The following BTLA variants were observed in gnomAD, a reference collection of about 807,000 sequenced individuals.
BTLA encodes B and T lymphocyte associated.
Under a neutral mutation model 25.0 loss-of-function variants are expected in BTLA, and 11 were observed. The observed-to-expected ratio is 0.44, with a 90% CI of 0.28 to 0.73. The LOEUF is 0.73. BTLA is among the 30% of genes least tolerant of loss of function. BTLA has a pLI of 0.15. For synonymous variants in BTLA, 104 were observed against 119.8 expected (o/e 0.87, Z 0.86); for missense variants, 282 against 332.8 (o/e 0.85, Z 1.19).
intron 4 of BTLA, among the ~76,000 whole-genome samples, chr3:112,467,503 C>A (rs901454884): frequency 7.9e-5 from 12 of 152,212 alleles, no homozygotes; most frequent in African/African-American, 2.7e-4. Context: ...GGCCTAACTC[C>A]TTTAAGGTAT....
intron 1 of BTLA, among the ~76,000 whole-genome samples, chr3:112,498,224 G>A (rs562711955): frequency 6.6e-6 from 1 of 152,006 alleles, no homozygotes; most frequent in East Asian, 1.9e-4. Flanking sequence ...TGGATAATTG[G>A]GGTTATCCAA....
intron 1 of BTLA, among the ~76,000 whole-genome samples, chr3:112,491,008 T>C (rs1021425677): frequency 2.0e-5 from 3 of 152,224 alleles, no homozygotes; most frequent in Admixed American, 6.5e-5. Context: ...CTGAAGACTT[T>C]AAGCTCTGTA....
chr3:112,486,967 C>T (rs2082351116), intron 1 of BTLA, among the ~76,000 whole-genome samples: 1 of 152,066 alleles, frequency 6.6e-6, no homozygotes, highest in Non-Finnish European at 1.5e-5. Context: ...GTATGTAGTA[C>T]CACAGAGATG....
chr3:112,466,454 T>C, intron 4 of BTLA, 71 bp from the exon 5 acceptor site: 1 of 1,396,754 alleles, frequency 7.2e-7, no homozygotes, highest in Non-Finnish European at 9.5e-7. Context: ...TAGCAAACTA[T>C]GAATGAAAAG....
chr3:112,468,993 AAC>A (rs970361331), intron 4 of BTLA, among the ~76,000 whole-genome samples: 1 of 152,092 alleles, frequency 6.6e-6, no homozygotes, highest in Admixed American at 6.6e-5. Flanking sequence ...TCCTTATTGA[AAC>A]ACACACACAC....
chr3:112,482,127 T>A (rs990985004), intron 1 of BTLA, among the ~76,000 whole-genome samples: 1 of 152,234 alleles, frequency 6.6e-6, no homozygotes, highest in Non-Finnish European at 1.5e-5. Context: ...AAGCACGTGA[T>A]CCTAAAAGTA....
intron 1 of BTLA, among the ~76,000 whole-genome samples, chr3:112,483,426 G>C (rs2082329175): frequency 6.6e-6 from 1 of 151,740 alleles, no homozygotes; most frequent in South Asian, 2.1e-4. Context: ...GGGATTACAG[G>C]CTTGAGCCAC....
chr3:112,470,018 G>A (rs1388486854), intron 3 of BTLA: 3 of 453,534 alleles, frequency 6.6e-6, no homozygotes, highest in Non-Finnish European at 1.2e-5. Context: ...TAGCCCCATG[G>A]CATATCTAAA....
At chr3:112,493,499 C>A (rs1289603309) in intron 1 of BTLA, among the ~76,000 whole-genome samples, 1 of 152,062 alleles carries the variant, frequency 6.6e-6, no homozygotes, top group African/African-American at 2.4e-5. Context: ...AGGATATGAA[C>A]ACACAGTTCT....
intron 4 of BTLA, among the ~76,000 whole-genome samples, chr3:112,466,868 A>G (rs1273222590): frequency 2.0e-5 from 3 of 152,228 alleles, no homozygotes; most frequent in Non-Finnish European, 4.4e-5. Flanking sequence ...ACCTTAAATT[A>G]AAAAATTGAT....
intron 1 of BTLA, among the ~76,000 whole-genome samples, chr3:112,490,117 C>T (rs980567245): frequency 2.6e-5 from 4 of 152,142 alleles, no homozygotes; most frequent in Non-Finnish European, 5.9e-5. Flanking sequence ...CATACACTCA[C>T]AAAATCAGAA....
At chr3:112,480,983 C>G (rs768491940) in intron 1 of BTLA, among the ~76,000 whole-genome samples, 1 of 152,188 alleles carries the variant, frequency 6.6e-6, no homozygotes, top group African/African-American at 2.4e-5. Context: ...CAACTATGAT[C>G]ATGTAAATCA....
chr3:112,466,651 T>TC lies in BTLA; in HGVS notation c.595-269dup, dbSNP rs1004551234. 2.8e-3 allele frequency among the ~76,000 whole-genome samples: 429 copies of TC among 152,056 alleles called. 2 individuals carry two copies. Among genetic ancestry groups the TC allele is most frequent in the Middle Eastern group, 0.01 (3 of 294 alleles). On this transcript the variant is annotated intron_variant, in intron 4 of 4. Coordinates refer to ENST00000334529, the MANE Select transcript of BTLA (RefSeq NM_181780.4). ...TTTGAGGTCACAGAACATTTTTTAA[T>TC]CCCCCTTCAAGATAAAAAGCATAGC...
intron 1 of BTLA, among the ~76,000 whole-genome samples, chr3:112,485,898 G>A (rs1192753276): frequency 2.0e-5 from 3 of 152,324 alleles, no homozygotes; most frequent in Non-Finnish European, 2.9e-5. Flanking sequence ...GGATCACGAG[G>A]TCAGGAGATA....
intron 1 of BTLA, among the ~76,000 whole-genome samples, chr3:112,495,351 A>C (rs2082403881): frequency 6.6e-6 from 1 of 152,222 alleles, no homozygotes; most frequent in South Asian, 2.1e-4. Flanking sequence ...TTCTTTTAAC[A>C]ATTCTGAACT....
intron 2 of BTLA, 51 bp downstream of exon 2, chr3:112,479,404 C>G (rs376809581): frequency 1.3e-6 from 2 of 1,515,682 alleles, no homozygotes. Context: ...CCCCCTCTTC[C>G]TGGAAACATT....
At position 112,469,744 on chromosome 3, in the gene BTLA, T is replaced by G. The variant is rs1334276012; in HGVS notation, c.594+14A>C. ...CACAAATTGCATTTGTTTCAACAGC[T>G]ACATCAAGCTTACCAGGTTAATTTC... On this transcript the variant is annotated intron_variant, in intron 4 of 4. Coordinates refer to ENST00000334529, the MANE Select transcript of BTLA (RefSeq NM_181780.4). 5.0e-6 allele frequency: 8 copies of G among 1,607,112 alleles called. No individual in the cohort carries two copies. The highest frequency in any genetic ancestry group is 6.0e-6 in the Non-Finnish European group (7 of 1,176,164).
At chr3:112,491,960 A>T (rs2082383045) in intron 1 of BTLA, among the ~76,000 whole-genome samples, 2 of 152,198 alleles carry the variant, frequency 1.3e-5, no homozygotes, top group Non-Finnish European at 2.9e-5. Flanking sequence ...GGGAGAGGAA[A>T]CTCTACAGAA....
chr3:112,474,996 T>C (rs1408520396), intron 2 of BTLA, among the ~76,000 whole-genome samples: 1 of 152,164 alleles, frequency 6.6e-6, no homozygotes, highest in Non-Finnish European at 1.5e-5. Context: ...AGGAAGTGTA[T>C]GAGGTAATTT....
Sources: gnomAD v4.1 joint callset for allele counts (sites outside exome capture counted in the v4.1 genomes callset) on GRCh38, gnomAD v4.1.1 for gene constraint, MANE v1.5 for transcripts, NCBI Gene and HGNC (gene_info 2026-07-23, HGNC 2026-07-21) for gene names.